The following EBF4 variants were observed in gnomAD, a reference collection of about 807,000 sequenced individuals.
EBF4 encodes EBF transcription factor 4.
Under a neutral mutation model 67.1 loss-of-function variants are expected in EBF4, and 34 were observed. The ratio of observed to expected loss-of-function variants is 0.51; its 90% CI spans 0.39 to 0.67. EBF4 has a LOEUF of 0.67. EBF4 is among the 30% of genes least tolerant of loss of function. The probability of loss-of-function intolerance (pLI) is 0.00; values close to 1 mark genes in which losing one functional copy is unlikely to be tolerated. For synonymous variants in EBF4, 387 were observed against 377.7 expected (o/e 1.02, Z -0.29); for missense variants, 837 against 873.3 (o/e 0.96, Z 0.52).
At chr20:2,750,024 C>T in intron 10 of EBF4, 51 bp downstream of exon 10, 2 of 1,502,298 alleles carry the variant, frequency 1.3e-6, no homozygotes, top group Non-Finnish European at 1.8e-6. Context: ...GAGGGAGCCC[C>T]ACCCTGCGCA....
intron 6 of EBF4, among the ~76,000 whole-genome samples, chr20:2,735,432 T>C (rs1052317293): frequency 1.3e-5 from 2 of 152,228 alleles, no homozygotes; most frequent in African/African-American, 4.8e-5. Flanking sequence ...AACTCAGCCA[T>C]TTTTCTTGCC....
At chr20:2,721,246 CTTTTT>C (rs146844927) in intron 6 of EBF4, among the ~76,000 whole-genome samples, 1 of 108,120 alleles carries the variant, frequency 9.2e-6, no homozygotes, top group South Asian at 2.8e-4. Context: ...TGATTCTCTT[CTTTTT>C]TTTTTTTTTT....
rs1017535874 is a variant in EBF4 at position 2,739,065 on chromosome 20, G to T, written c.558-9484G>T. Among the ~76,000 whole-genome samples the T allele has an allele frequency of 6.6e-6, 1 of 152,160 alleles. No individual in the cohort carries two copies. The highest frequency in any genetic ancestry group is 2.4e-5 in the African/African-American group (1 of 41,424). On this transcript the variant is annotated intron_variant, in intron 6 of 16. Transcript: ENST00000609451. The surrounding 1 kb of genome is among the most constrained non-coding windows in gnomAD (Gnocchi z 4.5). ...CAGTCTATCTTGGCTTCTACCGCAG[G>T]CTAAGACCAGGAAGCAGCCTGGGCC... is the stretch of plus-strand genomic sequence containing the variant.
At position 2,693,672 on chromosome 20, in the gene EBF4, C is replaced by T. The variant is rs1208999699; in HGVS notation, c.27C>T (p.Pro9=). The T allele has an allele frequency of 6.9e-7, 1 of 1,445,156 alleles. No homozygotes were observed. Among genetic ancestry groups the T allele is most frequent in the South Asian group, 1.4e-5 (1 of 73,766 alleles). The allele number at this position is 1,445,156 out of a possible 1,614,324, so 89.5% of individuals were successfully genotyped here. Reference sequence around the variant, plus strand: ...TGTTCCCTGCGCAGGACGCTCTGCCCCGCAGCGGGCTGAACCTGAAGGAGG... The same window carrying T: ...TGTTCCCTGCGCAGGACGCTCTGCCTCGCAGCGGGCTGAACCTGAAGGAGG... Residue 9 remains proline (P), a synonymous_variant, in exon 1 of 17, where the codon CCC becomes CCT. Coordinates refer to ENST00000609451, the Ensembl canonical transcript of EBF4. This position sits in a 1 kb window ranked among gnomAD's most constrained non-coding sequence, Gnocchi z 4.6.
At position 2,751,937 on chromosome 20, in the gene EBF4, C is replaced by T; in HGVS notation, c.1123C>T (p.Arg375Trp). 3 of 1,549,178 alleles carry T rather than the reference C, an allele frequency of 1.9e-6. No individual in the cohort carries two copies. The highest frequency in any genetic ancestry group is 1.7e-6 in the Non-Finnish European group (2 of 1,146,740). ...CTGTCCCCAGGAAGTGCTGCTGAAG[C>T]GGGCGGCCGACTTGGCAGAAGCCCT... Residue 375 changes from arginine (R) to tryptophan (W), a missense_variant, in exon 12 of 17, where the codon CGG (arginine) becomes TGG (tryptophan). Physicochemically the swap from Arg to Trp is moderately radical, Grantham distance 101. Coordinates refer to ENST00000609451, the Ensembl canonical transcript of EBF4. The surrounding 1 kb of genome is among the most constrained non-coding windows in gnomAD (Gnocchi z 5.2).
At position 2,755,768 on chromosome 20, in the gene EBF4, G is replaced by GC. The variant is rs2088234101; in HGVS notation, c.1688dup (p.Ser564LysfsTer21). On this transcript the variant is annotated frameshift_variant, in exon 15 of 17. Coordinates refer to ENST00000609451, the Ensembl canonical transcript of EBF4. LOFTEE classifies it high-confidence loss of function. The surrounding 1 kb of genome is among the most constrained non-coding windows in gnomAD (Gnocchi z 4.7). The stretch of plus-strand genomic sequence containing the variant: ...AGGAGCGCCTTCGCCCCCGTGCTGC[G>GC]CCCCCCAAGCTCCCCACCCCAGGCC... 5 of 1,550,100 alleles carry GC rather than the reference G, an allele frequency of 3.2e-6. No individual in the cohort carries two copies. The highest frequency in any genetic ancestry group is 8.7e-7 in the Non-Finnish European group (1 of 1,146,904).
intron 6 of EBF4, among the ~76,000 whole-genome samples, chr20:2,715,725 A>G (rs903525930): frequency 2.0e-5 from 3 of 152,170 alleles, no homozygotes; most frequent in African/African-American, 7.2e-5. Context: ...GAAGTTGAAC[A>G]TCTTTTAATT....
At chr20:2,743,152 T>C (rs974966260) in intron 6 of EBF4, among the ~76,000 whole-genome samples, 9 of 152,102 alleles carry the variant, frequency 5.9e-5, no homozygotes, top group Admixed American at 4.6e-4. Context: ...TTCTCATCCT[T>C]CCCTGACTGC....
intron 6 of EBF4, among the ~76,000 whole-genome samples, chr20:2,729,233 T>C (rs2087783017): frequency 6.6e-6 from 1 of 151,900 alleles, no homozygotes; most frequent in African/African-American, 2.4e-5. Context: ...CCGACTCCTA[T>C]TGAGCGCATT....
Position 2,737,121 on chromosome 20 carries a change from G to A in EBF4, c.558-11428G>A, listed in dbSNP as rs1458824564. ...AAAAATTAGCCGGGCGTGGTGGCGG[G>A]CGCCTGTAGTCCCAGCTACTCGGGA... On this transcript the variant is annotated intron_variant, in intron 6 of 16. Transcript: ENST00000609451. Among the ~76,000 whole-genome samples the A allele has an allele frequency of 8.0e-5, 12 of 150,238 alleles. No individual in the cohort carries two copies. The East Asian group carries it at 1.6e-3, about 21-fold the overall frequency.
At chr20:2,699,717 G>C (rs537841907) in intron 1 of EBF4, among the ~76,000 whole-genome samples, 3 of 152,336 alleles carry the variant, frequency 2.0e-5, no homozygotes, top group Non-Finnish European at 2.9e-5. Flanking sequence ...ATGTGGCATG[G>C]TTTGTTCACT....
At position 2,755,603 on chromosome 20, in the gene EBF4, G is replaced by GCCCCAC; in HGVS notation, c.1541-20_1541-19insACCCCC. On this transcript the variant is annotated intron_variant, in intron 14 of 16. Coordinates refer to ENST00000609451, the Ensembl canonical transcript of EBF4. The surrounding 1 kb of genome is among the most constrained non-coding windows in gnomAD (Gnocchi z 4.7). Reference sequence around the variant, plus strand: ...TCCCACCACCTTCCCTGCTGCGCCTGCCCCTCCCCGCCCCGCCCCGGAGTC... The same window carrying GCCCCAC: ...TCCCACCACCTTCCCTGCTGCGCCTGCCCCACCCCCTCCCCGCCCCGCCCCGGAGTC... 6 of 1,077,724 alleles carry GCCCCAC rather than the reference G, an allele frequency of 5.6e-6. No homozygotes were observed. Among genetic ancestry groups the GCCCCAC allele is most frequent in the Non-Finnish European group, 6.9e-6 (5 of 723,198 alleles). The allele number at this position is 1,077,724 out of a possible 1,614,324, so 66.8% of individuals were successfully genotyped here.
rs183507032 is a variant in EBF4 at position 2,705,858 on chromosome 20, G to A, written c.295-116G>A. 1.3e-4 allele frequency: 198 copies of A among 1,478,506 alleles called. 3 individuals carry two copies. The East Asian group carries it at 3.7e-3, about 27-fold the overall frequency. 91.6% of individuals were successfully genotyped at this position (1,478,506 alleles called of 1,614,324 possible). ...ACACACTGGGACAGATGAATGGATG[G>A]AAGCTGGCTGAGTGGCTGGAAGGGT... On this transcript the variant is annotated intron_variant, in intron 2 of 16. Coordinates refer to ENST00000609451, the Ensembl canonical transcript of EBF4.
In EBF4 at chr20:2,745,011, T is replaced by G. The variant is rs1055884194; in HGVS notation, c.558-3538T>G. Among the ~76,000 whole-genome samples the G allele has an allele frequency of 2.6e-5, 4 of 152,224 alleles. No homozygotes were observed. Among genetic ancestry groups the G allele is most frequent in the African/African-American group, 9.6e-5 (4 of 41,466 alleles). ...CTTACAGCACATCTCAAGTTCGGAC[T>G]AGCCACACTGCAAGGGTTCATGCCG... On this transcript the variant is annotated intron_variant, in intron 6 of 16. Coordinates refer to ENST00000609451, the Ensembl canonical transcript of EBF4. This position sits in a 1 kb window ranked among gnomAD's most constrained non-coding sequence, Gnocchi z 5.2.
intron 6 of EBF4, among the ~76,000 whole-genome samples, chr20:2,740,518 A>T (rs2087951974): frequency 6.6e-6 from 1 of 152,122 alleles, no homozygotes. Context: ...CTCTCCTTCC[A>T]GCTCTTTGAG....
intron 6 of EBF4, among the ~76,000 whole-genome samples, chr20:2,736,212 T>C (rs2087874552): frequency 6.6e-6 from 1 of 152,116 alleles, no homozygotes; most frequent in Non-Finnish European, 1.5e-5. Context: ...GGCTCATAGC[T>C]CTTCTCTGGC....
chr20:2,702,639 C>G (rs2087392916), intron 1 of EBF4, among the ~76,000 whole-genome samples: 1 of 152,176 alleles, frequency 6.6e-6, no homozygotes, highest in Non-Finnish European at 1.5e-5. Flanking sequence ...CCCATGACAT[C>G]CCAGGTGTTA....
At chr20:2,693,141 C>A, upstream of EBF4, 1 of 158,792 alleles carries the variant, frequency 6.3e-6, no homozygotes, top group South Asian at 1.7e-4. This position sits in a 1 kb window ranked among gnomAD's most constrained non-coding sequence, Gnocchi z 4.6. Context: ...GCCTCCGCCT[C>A]CCGGATGGTA....
intron 6 of EBF4, among the ~76,000 whole-genome samples, chr20:2,740,294 C>T (rs1361326418): frequency 6.6e-6 from 1 of 151,838 alleles, no homozygotes; most frequent in Non-Finnish European, 1.5e-5. Context: ...GCCTGGGCAA[C>T]AGAGCGAGAC....
Sources: allele counts gnomAD v4.1 joint callset (sites outside exome capture counted in the v4.1 genomes callset), GRCh38; gene constraint gnomAD v4.1.1; non-coding constraint Gnocchi (gnomAD v3.1); transcripts MANE v1.5; gene names NCBI Gene and HGNC (gene_info 2026-07-23, HGNC 2026-07-21).